Variants in DCST1 observed in about 807,000 individuals in gnomAD.
The protein encoded by DCST1 is DC-STAMP domain containing 1, also known as E3 ubiquitin-protein ligase DCST1.
Under a neutral mutation model 89.1 loss-of-function variants are expected in DCST1, and 78 were observed. That is an observed-to-expected ratio of 0.88 (90% CI 0.73 to 1.06). The LOEUF is 1.06. Ranked by LOEUF, DCST1 falls within the 50% of genes least tolerant of loss-of-function variation. The pLI, the probability that DCST1 is intolerant of heterozygous loss-of-function variation, is 0.00. For missense variants in DCST1, 900 were observed against 928.6 expected, an observed-to-expected ratio of 0.97 and a Z score of 0.40; for synonymous variants, 364 against 371.9, an observed-to-expected ratio of 0.98 and a Z score of 0.24.
chr1:155,034,757 C>T, intron 4 of DCST1, 30 bp downstream of exon 4: 1 of 1,612,686 alleles, frequency 6.2e-7, no homozygotes, highest in South Asian at 1.1e-5. Flanking sequence ...CAGGAACACT[C>T]AAGCGGCCTG....
In DCST1 at chr1:155,044,685, C is replaced by A. The variant is rs1011564697; in HGVS notation, c.1172+1176C>A. ...GTCAAGGAAAGAAGGGTGTCCCTTG[C>A]GTAAGGCTCCTGGTATCCATGGGAT... is the stretch of plus-strand genomic sequence containing the variant. On this transcript the variant is annotated intron_variant, in intron 10 of 16. Coordinates refer to ENST00000295542, the MANE Select transcript of DCST1 (RefSeq NM_152494.4). Among the ~76,000 whole-genome samples the A allele has an allele frequency of 3.3e-5, 5 of 152,210 alleles. No homozygotes were observed. In the South Asian group the frequency reaches 1.0e-3, roughly 32 times the overall value.
At chr1:155,042,272 T>G (rs1018788736) in intron 8 of DCST1, among the ~76,000 whole-genome samples, 1 of 152,076 alleles carries the variant, frequency 6.6e-6, no homozygotes. Context: ...CTAATTTTTG[T>G]ATATTTAGTA....
At position 155,039,258 on chromosome 1, in the gene DCST1, G is replaced by A. The variant is rs181024738; in HGVS notation, c.263-145G>A. On this transcript the variant is annotated intron_variant, in intron 4 of 16. Transcript: ENST00000295542. Reference sequence around the variant, plus strand: ...AATGAATGAATGAGTGGCCCAGCAGGTCTATCAGAGTCAGTGTAAATGGGG... The same window carrying A: ...AATGAATGAATGAGTGGCCCAGCAGATCTATCAGAGTCAGTGTAAATGGGG... The A allele has an allele frequency of 1.7e-5, 16 of 944,180 alleles. No homozygotes were observed. In the East Asian group the frequency reaches 4.3e-4, roughly 25 times the overall value. 58.5% of individuals were successfully genotyped at this position (944,180 alleles called of 1,614,324 possible). A position where few individuals can be genotyped will look rare whatever the true frequency, so the allele number is the denominator to read the frequency against.
At position 155,041,432 on chromosome 1, in the gene DCST1, C is replaced by T. The variant is rs1660436634; in HGVS notation, c.567C>T (p.Asn189=). Residue 189 remains asparagine (N), a synonymous_variant, in exon 7 of 17, where the codon AAC becomes AAT. Transcript: ENST00000295542. The part of the protein sequence containing the change: ...SKELLRAETR[N]ISATFEDLDA... ...AATTGCTGAGAGCAGAGACTCGGAACATCTCCGCCACTTTTGAGGACCTGG... is the reference window on the plus strand; with the variant it reads ...AATTGCTGAGAGCAGAGACTCGGAATATCTCCGCCACTTTTGAGGACCTGG... 1.2e-6 allele frequency: 2 copies of T among 1,613,818 alleles called. No homozygotes were observed. Among genetic ancestry groups the T allele is most frequent in the Non-Finnish European group, 1.7e-6 (2 of 1,180,036 alleles).
At chr1:155,040,396 G>A (rs377428571) in intron 5 of DCST1, 89 bp from the exon 6 acceptor site, 25 of 1,446,444 alleles carry the variant, frequency 1.7e-5, no homozygotes, top group East Asian at 5.0e-5. Context: ...AGTTCTAGGC[G>A]ATGGGCACTA....
At chr1:155,040,352 G>T in intron 5 of DCST1, 133 bp from the exon 6 acceptor site, 93 of 649,774 alleles carry the variant, frequency 1.4e-4, no homozygotes, top group Non-Finnish European at 1.8e-4. Context: ...TGAACAAGTT[G>T]ACCTTTCATA....
rs1469822908 is a variant in DCST1 at position 155,039,312 on chromosome 1, AG to A, written c.263-86del. ...AGGGCAGGATGGTGGTGGTTCCAGAAGGGGGTGTTGCAGGTGGGTGCTCTGG... is the reference window on the plus strand; with the variant it reads ...AGGGCAGGATGGTGGTGGTTCCAGAAGGGGTGTTGCAGGTGGGTGCTCTGG... On this transcript the variant is annotated intron_variant, in intron 4 of 16. Coordinates refer to ENST00000295542, the MANE Select transcript of DCST1 (RefSeq NM_152494.4). 6 of 1,428,392 alleles carry A rather than the reference AG, an allele frequency of 4.2e-6. No homozygotes were observed. The East Asian group carries it at 7.5e-5, about 18-fold the overall frequency. The allele number at this position is 1,428,392 out of a possible 1,614,324, so 88.5% of individuals were successfully genotyped here.
intron 10 of DCST1, among the ~76,000 whole-genome samples, chr1:155,044,480 C>CAAAAAAAAA (rs57888793): frequency 1.6e-5 from 1 of 63,176 alleles, no homozygotes; most frequent in Non-Finnish European, 2.9e-5. Context: ...GAGCTTGTCT[C>CAAAAAAAAA]AAAAAAAAAA....
Position 155,047,295 on chromosome 1 carries a change from T to C in DCST1, c.1595T>C (p.Met532Thr). 1.9e-6 allele frequency: 3 copies of C among 1,613,562 alleles called. No individual in the cohort carries two copies. Among genetic ancestry groups the C allele is most frequent in the East Asian group, 2.2e-5 (1 of 44,848 alleles). ...GALNTSSETV[M>T]ESNNMPCLPQ... ...CTGAACACCTCCTCAGAGACAGTGA[T>C]GGAATCAAACAACATGCGTGAGTGA... Residue 532 changes from methionine (M) to threonine (T), a missense_variant, in exon 14 of 17, where the codon ATG becomes ACG. Coordinates refer to ENST00000295542, the MANE Select transcript of DCST1 (RefSeq NM_152494.4).
In DCST1 at chr1:155,041,797, C is replaced by T; in HGVS notation, c.832C>T (p.Leu278Phe). 1 of 1,614,238 alleles carries T rather than the reference C, an allele frequency of 6.2e-7. No individual in the cohort carries two copies. Among genetic ancestry groups the T allele is most frequent in the Non-Finnish European group, 8.5e-7 (1 of 1,180,042 alleles). ...GTGCATGAAGCACATCTGGGTCCCA[C>T]TCCTCACCCACCTGCTCTGCCTGCC... ...EQCMKHIWVP[L>F]LTHLLCLPMK... Residue 278 changes from leucine to phenylalanine, a missense_variant, in exon 8 of 17, where the codon CTC becomes TTC. Coordinates refer to ENST00000295542, the MANE Select transcript of DCST1 (RefSeq NM_152494.4).
At chr1:155,034,265 C>T in intron 2 of DCST1, 168 bp downstream of exon 2, 1 of 1,561,354 alleles carries the variant, frequency 6.4e-7, no homozygotes. Context: ...CTGTCCCTTA[C>T]ACCCATACCA....
At chr1:155,046,032 G>A (rs1660611266) in intron 11 of DCST1, 40 bp downstream of exon 11, 2 of 1,613,124 alleles carry the variant, frequency 1.2e-6, no homozygotes, top group African/African-American at 2.7e-5. Context: ...CCTTGCTGCT[G>A]TGTGCCCTGT....
chr1:155,042,884 G>A (rs1270143385), intron 9 of DCST1, 28 bp downstream of exon 9: 14 of 1,613,020 alleles, frequency 8.7e-6, no homozygotes, highest in South Asian at 3.3e-5. Flanking sequence ...GGGTTGGTGG[G>A]GGGTAGATAG....
chr1:155,047,176 A>C lies in DCST1; in HGVS notation c.1496-20A>C, dbSNP rs370816222. 1 of 1,600,996 alleles carries C rather than the reference A, an allele frequency of 6.2e-7. No homozygotes were observed. Among genetic ancestry groups the C allele is most frequent in the Non-Finnish European group, 8.6e-7 (1 of 1,168,406 alleles). ...TTTCTCCACCTGCCCTGACTTCCCT[A>C]CCTGTCCTCCTGGCCGCAGGCAGTC... On this transcript the variant is annotated intron_variant, in intron 13 of 16. Transcript: ENST00000295542.
Position 155,042,800 on chromosome 1 carries a change from C to T in DCST1, c.958C>T (p.Leu320Phe), listed in dbSNP as rs755118458. ...CAACTTTGGGCAGACCTACGACTCCCTCAACCAGTCTATTCGTGGCCTGGA... is the reference window on the plus strand; with the variant it reads ...CAACTTTGGGCAGACCTACGACTCCTTCAACCAGTCTATTCGTGGCCTGGA... Reference protein sequence around the residue: ...EGNFGQTYDSLNQSIRGLDGE... With the variant: ...EGNFGQTYDSFNQSIRGLDGE... The change falls in exon 9 of 17, where the codon CTC becomes TTC. Residue 320 changes from leucine (L) to phenylalanine (F), a missense_variant. Coordinates refer to ENST00000295542, the MANE Select transcript of DCST1 (RefSeq NM_152494.4). 2 of 1,614,216 alleles carry T rather than the reference C, an allele frequency of 1.2e-6. No homozygotes were observed. The highest frequency in any genetic ancestry group is 8.5e-7 in the Non-Finnish European group (1 of 1,180,040).
chr1:155,039,574 C>T (rs1660373201), intron 5 of DCST1, 43 bp downstream of exon 5: 1 of 1,490,860 alleles, frequency 6.7e-7, no homozygotes, highest in Admixed American at 2.1e-5. Flanking sequence ...AGCAGTGACC[C>T]TGGGTGGGTC....
In DCST1 at chr1:155,047,800, G is replaced by T; in HGVS notation, c.1626G>T (p.Gln542His). The change falls in exon 15 of 17, where the codon CAG becomes CAT. Residue 542 changes from glutamine (Q) to histidine (H), a missense_variant. Physicochemically the swap from Gln to His is conservative, Grantham distance 24. Transcript: ENST00000295542. The part of the protein sequence containing the change: ...MESNNMPCLP[Q>H]PVGLDARAYW... Reference sequence around the variant, plus strand: ...CCCCTCCCCTAGCCTGCCTGCCCCAGCCTGTGGGCCTGGATGCCAGGGCCT... The same window carrying T: ...CCCCTCCCCTAGCCTGCCTGCCCCATCCTGTGGGCCTGGATGCCAGGGCCT... 1.2e-6 allele frequency: 2 copies of T among 1,613,968 alleles called. No individual in the cohort carries two copies. The highest frequency in any genetic ancestry group is 1.3e-5 in the African/African-American group (1 of 75,038).
At chr1:155,034,230 C>T in intron 2 of DCST1, 133 bp downstream of exon 2, 1 of 1,526,174 alleles carries the variant, frequency 6.6e-7, no homozygotes. Context: ...GTGCCTCCCG[C>T]CTCCCAGCCC....
chr1:155,043,353 A>G lies in DCST1; in HGVS notation c.1016A>G (p.Glu339Gly). ...GTTTGCTCATGTGCCCTCCACCAGGAAGAGAAGCAGGCTGGGGTGCTGGGG... is the reference window on the plus strand; with the variant it reads ...GTTTGCTCATGTGCCCTCCACCAGGGAGAGAAGCAGGCTGGGGTGCTGGGG... ...GEFSANIDFK[E>G]EKQAGVLGLN... Residue 339 changes from glutamate to glycine, a missense_variant and splice_region_variant, in exon 10 of 17, where the codon GAA (glutamate) becomes GGA (glycine). Coordinates refer to ENST00000295542, the MANE Select transcript of DCST1 (RefSeq NM_152494.4). 1 of 1,614,044 alleles carries G rather than the reference A, an allele frequency of 6.2e-7. No individual in the cohort carries two copies. Among genetic ancestry groups the G allele is most frequent in the Non-Finnish European group, 8.5e-7 (1 of 1,179,968 alleles).
Sources: gnomAD v4.1 joint callset for allele counts (sites outside exome capture counted in the v4.1 genomes callset) on GRCh38, gnomAD v4.1.1 for gene constraint, MANE v1.5 for transcripts, NCBI Gene and HGNC (gene_info 2026-07-23, HGNC 2026-07-21) for gene names.